FBXO42: variants seen among roughly 807,000 people sequenced by gnomAD.
The protein encoded by FBXO42 is F-box only protein 42.
FBXO42 carries 12 observed loss-of-function variants against 71.7 expected under a neutral mutation model. The observed-to-expected ratio is 0.17, with a 90% confidence interval of 0.11 to 0.27. The LOEUF (loss-of-function observed/expected upper bound fraction) is 0.27, where lower values mean the gene tolerates loss of function less well. FBXO42 is among the 10% of genes least tolerant of loss of function. FBXO42 has a pLI of 1.00. For synonymous variants in FBXO42, 325 were observed against 327.5 expected (o/e 0.99, Z 0.08); for missense variants, 707 against 911.9 (o/e 0.78, Z 2.89).
At chr1:16,313,033 G>A (rs184516717) in intron 2 of FBXO42, among the ~76,000 whole-genome samples, 33 of 152,078 alleles carry the variant, frequency 2.2e-4, no homozygotes, top group African/African-American at 7.5e-4. Context: ...GATCTCAGGC[G>A]ATCCGCCCAC....
intron 1 of FBXO42, among the ~76,000 whole-genome samples, chr1:16,330,977 TG>T (rs2082493474): frequency 6.6e-6 from 1 of 151,506 alleles, no homozygotes; most frequent in Admixed American, 6.6e-5. Flanking sequence ...AAAAATTAGC[TG>T]GGCATGGTGG....
intron 5 of FBXO42, 146 bp from the exon 6 acceptor site, chr1:16,255,967 T>G (rs956829084): frequency 3.8e-5 from 23 of 611,260 alleles, no homozygotes; most frequent in Non-Finnish European, 6.2e-5. Flanking sequence ...GCATAATGTA[T>G]TTATGCCTTT....
intron 1 of FBXO42, among the ~76,000 whole-genome samples, chr1:16,351,977 C>G (rs892185458): frequency 6.6e-6 from 1 of 152,156 alleles, no homozygotes; most frequent in Non-Finnish European, 1.5e-5. Context: ...GGCCACACAC[C>G]CCTTCACTGC....
At position 16,246,977 on chromosome 1, in the gene FBXO42, C is replaced by A; in HGVS notation, c.*3693G>T. On this transcript the variant is annotated 3_prime_UTR_variant, in exon 10 of 10. Coordinates refer to ENST00000375592, the MANE Select transcript of FBXO42 (RefSeq NM_018994.3). ...CTACACTGTTATGTGCCCAAAATGA[C>A]TATCTCAGGGTAAGCCACCTGGCAT... is the stretch of plus-strand genomic sequence containing the variant. 1 of 152,310 alleles carries A rather than the reference C, an allele frequency of 6.6e-6. No homozygotes were observed. The allele number at this position is 152,310 out of a possible 1,614,324, so 9.4% of individuals were successfully genotyped here.
intron 4 of FBXO42, among the ~76,000 whole-genome samples, chr1:16,274,573 A>G (rs914095463): frequency 5.3e-5 from 4 of 76,178 alleles, no homozygotes; most frequent in African/African-American, 2.3e-4. Context: ...CCCCCCCCAT[A>G]CAAATTATGC....
At chr1:16,314,484 A>C (rs1193762918) in intron 2 of FBXO42, among the ~76,000 whole-genome samples, 3 of 152,236 alleles carry the variant, frequency 2.0e-5, no homozygotes, top group Admixed American at 6.5e-5. Flanking sequence ...TCTGTCATCT[A>C]TAAAATGCAG....
intron 1 of FBXO42, among the ~76,000 whole-genome samples, chr1:16,329,412 C>T (rs989847910): frequency 2.0e-5 from 3 of 151,818 alleles, no homozygotes; most frequent in South Asian, 4.2e-4. Flanking sequence ...GGTGAAACCC[C>T]GTTTCTACTA....
At chr1:16,306,076 G>A (rs1290754736) in intron 2 of FBXO42, among the ~76,000 whole-genome samples, 157 bp from the exon 3 acceptor site, 2 of 151,606 alleles carry the variant, frequency 1.3e-5, no homozygotes, top group Non-Finnish European at 1.5e-5. Flanking sequence ...AGGTTGGAGT[G>A]CAGTGGCACG....
At chr1:16,331,874 A>T (rs1320571128) in intron 1 of FBXO42, among the ~76,000 whole-genome samples, 1 of 151,844 alleles carries the variant, frequency 6.6e-6, no homozygotes, top group African/African-American at 2.4e-5. Context: ...AACATGGAGA[A>T]ACCCTGTCTC....
At chr1:16,322,304 G>A (rs1270732532) in intron 1 of FBXO42, among the ~76,000 whole-genome samples, 1 of 152,164 alleles carries the variant, frequency 6.6e-6, no homozygotes, top group Non-Finnish European at 1.5e-5. Context: ...TAGGCCAGGC[G>A]TGATGGCTCA....
chr1:16,298,373 T>C lies in FBXO42; in HGVS notation c.368-3456A>G, dbSNP rs368636862. ...CCAGATATCCTGGTCCTCTTAGACA[T>C]ATCTTGACCTAGTAATCCTAAAAAA... On this transcript the variant is annotated intron_variant, in intron 3 of 9. Transcript: ENST00000375592. Among the ~76,000 whole-genome samples the C allele has an allele frequency of 9.8e-5, 15 of 152,322 alleles. No homozygotes were observed. The South Asian group carries it at 3.1e-3, about 32-fold the overall frequency.
chr1:16,352,138 G>A, intron 1 of FBXO42, 117 bp downstream of exon 1: 1 of 386,534 alleles, frequency 2.6e-6, no homozygotes, highest in Non-Finnish European at 4.6e-6. Flanking sequence ...CGACCCCCGC[G>A]TGGGATACGG....
Position 16,251,308 on chromosome 1 carries a change from G to T in FBXO42, c.1516C>A (p.Leu506Met). ...RLGSIDLNWDLKPASSSNPMD... is the reference protein window; with the variant it reads ...RLGSIDLNWDMKPASSSNPMD... ...GGATTACTACTGGAAGCGGGTTTCAGATCCCAATTCAGATCTATGGATCCT... is the reference window on the plus strand; with the variant it reads ...GGATTACTACTGGAAGCGGGTTTCATATCCCAATTCAGATCTATGGATCCT... The change falls in exon 10 of 10, where the codon CTG becomes ATG. Residue 506 changes from leucine (L) to methionine (M), a missense_variant. Physicochemically the swap from Leu to Met is conservative, Grantham distance 15. Around this residue, in one of 5 missense-constraint regions of FBXO42, gnomAD observed 482 missense variants for 587.1 expected, o/e 0.82. Coordinates refer to ENST00000375592, the MANE Select transcript of FBXO42 (RefSeq NM_018994.3). The surrounding 1 kb of genome is among the most constrained non-coding windows in gnomAD (Gnocchi z 4.5). 3 of 1,614,206 alleles carry T rather than the reference G, an allele frequency of 1.9e-6. No homozygotes were observed. In the South Asian group the frequency reaches 3.3e-5, roughly 18 times the overall value.
chr1:16,352,086 A>G (rs112982587), intron 1 of FBXO42, among the ~76,000 whole-genome samples, 169 bp downstream of exon 1: 25,755 of 152,014 alleles, frequency 0.17, 2,577 homozygotes, highest in Non-Finnish European at 0.22. Context: ...TCCTCGCCTC[A>G]CTCGAGGACG....
chr1:16,281,545 T>A (rs1011048696), intron 4 of FBXO42, among the ~76,000 whole-genome samples: 12 of 150,976 alleles, frequency 7.9e-5, no homozygotes, highest in African/African-American at 2.9e-4. Context: ...CATGGTTCAC[T>A]GTGACCTCTG....
chr1:16,343,952 CA>C (rs200166365), intron 1 of FBXO42, among the ~76,000 whole-genome samples: 144 of 87,700 alleles, frequency 1.6e-3, no homozygotes, highest in Non-Finnish European at 1.8e-3. Context: ...TTTAGCATGG[CA>C]AAAAAAAAAA....
intron 1 of FBXO42, among the ~76,000 whole-genome samples, chr1:16,349,748 G>T (rs2082682419): frequency 6.6e-6 from 1 of 152,202 alleles, no homozygotes; most frequent in Non-Finnish European, 1.5e-5. Flanking sequence ...TGCAATCCCA[G>T]TTACTCAGGA....
chr1:16,324,624 C>T (rs1480443031), intron 1 of FBXO42, among the ~76,000 whole-genome samples: 1 of 152,290 alleles, frequency 6.6e-6, no homozygotes, highest in Non-Finnish European at 1.5e-5. Context: ...TTGAGACCAG[C>T]CTGGGCAACA....
Position 16,252,276 on chromosome 1 carries a change from C to A in FBXO42, c.1038+12G>T. Reference sequence around the variant, plus strand: ...ACCTGTCCTCCTGCTAGCCTGTCAGCTCCCTGCTTACCCGGCAAGCTGGAT... The same window carrying A: ...ACCTGTCCTCCTGCTAGCCTGTCAGATCCCTGCTTACCCGGCAAGCTGGAT... On this transcript the variant is annotated intron_variant, in intron 9 of 9. Coordinates refer to ENST00000375592, the MANE Select transcript of FBXO42 (RefSeq NM_018994.3). The surrounding 1 kb of genome is among the most constrained non-coding windows in gnomAD (Gnocchi z 4.4). 1 of 1,602,456 alleles carries A rather than the reference C, an allele frequency of 6.2e-7. No homozygotes were observed. The highest frequency in any genetic ancestry group is 8.6e-7 in the Non-Finnish European group (1 of 1,169,364).
Sources: gnomAD v4.1 joint callset for allele counts (sites outside exome capture counted in the v4.1 genomes callset) on GRCh38, gnomAD v4.1.1 for gene constraint, gnomAD v4.1.1 regional missense constraint, Gnocchi (gnomAD v3.1) non-coding constraint, MANE v1.5 for transcripts, NCBI Gene and HGNC (gene_info 2026-07-23, HGNC 2026-07-21) for gene names.